The following SLC13A3 variants were observed in gnomAD, a reference collection of about 807,000 sequenced individuals.
SLC13A3 encodes solute carrier family 13 member 3.
In SLC13A3, 40 loss-of-function variants were observed where a neutral mutation model predicts 59.0. The ratio of observed to expected loss-of-function variants is 0.68; its 90% CI spans 0.53 to 0.88. The LOEUF (loss-of-function observed/expected upper bound fraction) is 0.88, where lower values mean the gene tolerates loss of function less well. SLC13A3 is among the 40% of genes least tolerant of loss of function. SLC13A3 has a pLI of 0.00. For missense variants in SLC13A3, 699 were observed against 783.2 expected, an observed-to-expected ratio of 0.89 and a Z score of 1.28; for synonymous variants, 317 against 330.3, an observed-to-expected ratio of 0.96 and a Z score of 0.44.
chr20:46,615,539 G>A (rs1247838269), intron 1 of SLC13A3, among the ~76,000 whole-genome samples: 1 of 152,132 alleles, frequency 6.6e-6, no homozygotes, highest in Non-Finnish European at 1.5e-5. Flanking sequence ...AGAAGTAGTT[G>A]AATTCTCGAT....
intron 8 of SLC13A3, chr20:46,585,458 T>C (rs1423359585): frequency 1.0e-6 from 1 of 997,370 alleles, no homozygotes; most frequent in African/African-American, 1.7e-5. Context: ...CGTGATCACA[T>C]TTCTGTTAAA....
chr20:46,582,564 C>CCCA, intron 9 of SLC13A3: 1 of 871,046 alleles, frequency 1.1e-6, no homozygotes, highest in Non-Finnish European at 1.4e-6. Context: ...GATGGTGCTA[C>CCCA]TGCACCCCAG....
intron 2 of SLC13A3, among the ~76,000 whole-genome samples, chr20:46,612,415 G>A (rs2062508441): frequency 6.6e-6 from 1 of 151,966 alleles, no homozygotes; most frequent in Admixed American, 6.6e-5. Flanking sequence ...ATTACAGGCT[G>A]GGATTACACT....
intron 1 of SLC13A3, among the ~76,000 whole-genome samples, chr20:46,678,266 A>C (rs984661736): frequency 6.6e-6 from 1 of 152,228 alleles, no homozygotes; most frequent in African/African-American, 2.4e-5. Context: ...ACTTTGATCT[A>C]AATAGAGAGG....
At chr20:46,668,622 G>A (rs1600631291) in intron 1 of SLC13A3, among the ~76,000 whole-genome samples, 1 of 152,226 alleles carries the variant, frequency 6.6e-6, no homozygotes, top group Non-Finnish European at 1.5e-5. Flanking sequence ...TTAACCAGAA[G>A]ATCAAGCTAA....
At chr20:46,656,066 T>C (rs2062987380), upstream of SLC13A3, among the ~76,000 whole-genome samples, 5 of 143,678 alleles carry the variant, frequency 3.5e-5, no homozygotes, top group Admixed American at 3.6e-4. Flanking sequence ...TACTACAGTA[T>C]ACTATATATA....
At chr20:46,607,530 G>T (rs2062448251) in intron 3 of SLC13A3, among the ~76,000 whole-genome samples, 1 of 152,174 alleles carries the variant, frequency 6.6e-6, no homozygotes, top group Non-Finnish European at 1.5e-5. Context: ...GGCCTGTAAA[G>T]GTAGGTATCT....
intron 11 of SLC13A3, among the ~76,000 whole-genome samples, chr20:46,565,826 A>G (rs2061975672): frequency 6.6e-6 from 1 of 152,222 alleles, no homozygotes; most frequent in East Asian, 1.9e-4. Context: ...AGAATGATCC[A>G]GCCCCAACTA....
chr20:46,629,744 C>G (rs1158126520), intron 1 of SLC13A3, among the ~76,000 whole-genome samples: 2 of 152,162 alleles, frequency 1.3e-5, no homozygotes, highest in Non-Finnish European at 2.9e-5. Flanking sequence ...TCACCCCCTT[C>G]TGCTTCTTAA....
At chr20:46,593,590 C>A (rs1181847740) in intron 5 of SLC13A3, among the ~76,000 whole-genome samples, 1 of 151,796 alleles carries the variant, frequency 6.6e-6, no homozygotes, top group Non-Finnish European at 1.5e-5. Flanking sequence ...TATAATTAGA[C>A]AAAATAAAAA....
upstream of SLC13A3, among the ~76,000 whole-genome samples, chr20:46,674,604 C>CGTGT (rs58582046): frequency 0.02 from 2,522 of 127,906 alleles, 99 homozygotes; most frequent in Admixed American, 0.095. Context: ...CGCGCGCGCG[C>CGTGT]GTGTGTGTGT....
chr20:46,570,457 C>T (rs964647437), intron 10 of SLC13A3, among the ~76,000 whole-genome samples: 1 of 152,198 alleles, frequency 6.6e-6, no homozygotes, highest in African/African-American at 2.4e-5. Flanking sequence ...TACCTGTTCA[C>T]ATCATAACTT....
chr20:46,571,777 G>GTGGGAGGCTATTCTAGATA (rs2062030366), intron 10 of SLC13A3, among the ~76,000 whole-genome samples: 1 of 152,090 alleles, frequency 6.6e-6, no homozygotes, highest in African/African-American at 2.4e-5. Context: ...TATTCTAGAT[G>GTGGGAGGCTATTCTAGATA]TGGGGGCTTG....
At chr20:46,583,530 T>A in intron 9 of SLC13A3, 42 bp downstream of exon 9, 1 of 1,585,520 alleles carries the variant, frequency 6.3e-7, no homozygotes, top group South Asian at 1.1e-5. Flanking sequence ...CATGCCGCAG[T>A]CCTCACTGAG....
chr20:46,651,857 A>C (rs1420671109), upstream of SLC13A3, among the ~76,000 whole-genome samples: 1 of 152,224 alleles, frequency 6.6e-6, no homozygotes, highest in Non-Finnish European at 1.5e-5. Context: ...TCTGAGCCTG[A>C]AAGTGGAGTG....
In SLC13A3 at chr20:46,664,499, T is replaced by C. The variant is rs535241084; in HGVS notation, c.-31+5544A>G. Among the ~76,000 whole-genome samples, 5 of 152,346 alleles carry C rather than the reference T, an allele frequency of 3.3e-5. No individual in the cohort carries two copies. In the South Asian group the frequency reaches 1.0e-3, roughly 32 times the overall value. On this transcript the variant is annotated intron_variant, in intron 1 of 12. Coordinates refer to the SLC13A3 transcript ENST00000290317. ...ACCTTTCACCATGTGTTTTACTCAA[T>C]ATTTGCTATATGGCAACCATATACC...
intron 12 of SLC13A3, among the ~76,000 whole-genome samples, chr20:46,562,124 G>A (rs1421589748): frequency 6.6e-6 from 1 of 151,950 alleles, no homozygotes. Flanking sequence ...TTCCACACTT[G>A]TCCCTCCCAC....
At chr20:46,675,418 T>A (rs1479324738) in intron 1 of SLC13A3, among the ~76,000 whole-genome samples, 1 of 147,658 alleles carries the variant, frequency 6.8e-6, no homozygotes, top group Admixed American at 6.7e-5. Flanking sequence ...TTTTTTTTTT[T>A]TTTTTTCAGT....
intron 1 of SLC13A3, among the ~76,000 whole-genome samples, chr20:46,635,848 C>A (rs780711757): frequency 6.6e-6 from 1 of 152,190 alleles, no homozygotes; most frequent in Non-Finnish European, 1.5e-5. Context: ...GCAAGGAAAG[C>A]GACCTCTAGT....
Sources: gnomAD v4.1 joint callset for allele counts (sites outside exome capture counted in the v4.1 genomes callset) on GRCh38, gnomAD v4.1.1 for gene constraint, MANE v1.5 for transcripts, NCBI Gene and HGNC (gene_info 2026-07-23, HGNC 2026-07-21) for gene names.